Variants in TTC13 observed in about 807,000 individuals in gnomAD.
TTC13 encodes the protein tetratricopeptide repeat protein 13.
A neutral mutation model predicts 120.0 loss-of-function variants in TTC13; 62 were observed. That is an observed-to-expected ratio of 0.52 (90% CI 0.42 to 0.64). The LOEUF (loss-of-function observed/expected upper bound fraction) is 0.64, where lower values mean the gene tolerates loss of function less well. Among genes scored for constraint, TTC13 ranks in the 30% least tolerant of loss-of-function variants. TTC13 has a pLI of 0.00. For missense variants in TTC13, 824 were observed against 1,050.2 expected, an observed-to-expected ratio of 0.78 and a Z score of 2.98; for synonymous variants, 384 against 393.5, an observed-to-expected ratio of 0.98 and a Z score of 0.28.
chr1:230,931,156 C>G (rs186990661), intron 11 of TTC13, 142 bp downstream of exon 11: 26 of 697,870 alleles, frequency 3.7e-5, no homozygotes, highest in Admixed American at 2.3e-4. Flanking sequence ...TCGACACTAG[C>G]ACTGACAAGG....
At chr1:230,954,679 C>A (rs1261509763) in intron 3 of TTC13, among the ~76,000 whole-genome samples, 1 of 152,192 alleles carries the variant, frequency 6.6e-6, no homozygotes, top group Admixed American at 6.5e-5. Flanking sequence ...GGCCATCATT[C>A]ATTTTCAAAT....
At position 230,933,810 on chromosome 1, in the gene TTC13, C is replaced by A. The variant is rs1281009454; in HGVS notation, c.952G>T (p.Asp318Tyr). The A allele has an allele frequency of 6.2e-7, 1 of 1,609,242 alleles. No individual in the cohort carries two copies. Among genetic ancestry groups the A allele is most frequent in the Non-Finnish European group, 8.5e-7 (1 of 1,178,088 alleles). Residue 318 changes from aspartate to tyrosine, a missense_variant, in exon 9 of 23, where the codon GAT becomes TAT. Physicochemically the swap from Asp to Tyr is radical, Grantham distance 160. Around this residue, in one of 4 missense-constraint regions of TTC13, gnomAD observed 430 missense variants for 626.8 expected, o/e 0.69. Coordinates refer to ENST00000366661, the MANE Select transcript of TTC13 (RefSeq NM_024525.5). ...GCCTGCCCTAGACTTTTATATGCAT[C>A]AATAAAGTCAACTTTCTGCTTCAAA... ...EALKQKVDFI[D>Y]AYKSLGQAYR...
Position 230,972,397 on chromosome 1 carries a change from C to G in TTC13, c.271+6163G>C, listed in dbSNP as rs185332926. 1.3e-4 allele frequency among the ~76,000 whole-genome samples: 20 copies of G among 152,232 alleles called. No individual in the cohort carries two copies. The East Asian group carries it at 3.7e-3, about 28-fold the overall frequency. The stretch of plus-strand genomic sequence containing the variant: ...TTGTATTTTGATAAAAAAGTAAAAC[C>G]AAAACATAAGAAAAGGAATATGCTG... On this transcript the variant is annotated intron_variant, in intron 1 of 22. Transcript: ENST00000366661.
chr1:230,930,828 G>A (rs185695634), intron 11 of TTC13, among the ~76,000 whole-genome samples: 4 of 152,330 alleles, frequency 2.6e-5, no homozygotes, highest in African/African-American at 9.6e-5. Flanking sequence ...TGAGGCAGGA[G>A]AATGGGATGA....
chr1:230,951,773 T>A (rs1377789523), intron 4 of TTC13, among the ~76,000 whole-genome samples: 1 of 81,424 alleles, frequency 1.2e-5, no homozygotes, highest in Non-Finnish European at 2.8e-5. Flanking sequence ...AAAGAGTAAT[T>A]AGATTTAGAG....
At chr1:230,927,549 CTCTTA>C (rs1469024517) in intron 12 of TTC13, among the ~76,000 whole-genome samples, 2 of 152,012 alleles carry the variant, frequency 1.3e-5, no homozygotes, top group Non-Finnish European at 2.9e-5. Flanking sequence ...TATTGGTTGT[CTCTTA>C]TTTTTTAATT....
chr1:230,936,388 A>T, intron 8 of TTC13: 1 of 381,244 alleles, frequency 2.6e-6, no homozygotes. Flanking sequence ...GGCAAATGCC[A>T]TCCCACCATT....
chr1:230,947,959 C>A (rs1359291890), intron 4 of TTC13, among the ~76,000 whole-genome samples: 1 of 152,168 alleles, frequency 6.6e-6, no homozygotes. Context: ...TCCTCCCACC[C>A]ACTCCATCAG....
At chr1:230,933,079 T>C (rs1172502346) in intron 9 of TTC13, among the ~76,000 whole-genome samples, 1 of 152,118 alleles carries the variant, frequency 6.6e-6, no homozygotes, top group Non-Finnish European at 1.5e-5. Flanking sequence ...TTCAAGCGAT[T>C]CTCCAGCCTC....
At position 230,978,795 on chromosome 1, in the gene TTC13, G is replaced by A; in HGVS notation, c.36C>T (p.Phe12=). 1 of 1,498,554 alleles carries A rather than the reference G, an allele frequency of 6.7e-7. No homozygotes were observed. Among genetic ancestry groups the A allele is most frequent in the East Asian group, 2.7e-5 (1 of 37,156 alleles). The allele number at this position is 1,498,554 out of a possible 1,614,324, so 92.8% of individuals were successfully genotyped here. Residue 12 remains phenylalanine, a synonymous_variant, in exon 1 of 23, where the codon TTC becomes TTT. Coordinates refer to ENST00000366661, the MANE Select transcript of TTC13 (RefSeq NM_024525.5). The surrounding 1 kb of genome is among the most constrained non-coding windows in gnomAD (Gnocchi z 5.6). ...CCGCGGCGGCCACAGCGCCGCCCCA[G>A]AAGCAGCAGCAGCAGCAGCAGCCGG... The part of the protein sequence containing the change: ...APAGCCCCCC[F]WGGAVAAAGA...
chr1:230,915,579 T>C (rs1364929704), intron 18 of TTC13, among the ~76,000 whole-genome samples: 1 of 152,234 alleles, frequency 6.6e-6, no homozygotes, highest in Non-Finnish European at 1.5e-5. Context: ...TGGAATATTA[T>C]GCAGTTACTA....
chr1:230,926,535 A>C lies in TTC13; in HGVS notation c.1458-888T>G, dbSNP rs114772804. On this transcript the variant is annotated intron_variant, in intron 12 of 22. Coordinates refer to ENST00000366661, the MANE Select transcript of TTC13 (RefSeq NM_024525.5). ...CTGTTTGAACACACAGTTTAGGCAC[A>C]GGGAACCTCTCCTATTAGTTTTGGG... is the stretch of plus-strand genomic sequence containing the variant. Among the ~76,000 whole-genome samples the C allele has an allele frequency of 2.1e-3, 326 of 152,308 alleles. 2 individuals carry two copies. The highest frequency in any genetic ancestry group is 7.5e-3 in the African/African-American group (313 of 41,560).
intron 8 of TTC13, among the ~76,000 whole-genome samples, chr1:230,937,656 C>G (rs1674184676): frequency 6.6e-6 from 1 of 152,182 alleles, no homozygotes; most frequent in South Asian, 2.1e-4. Context: ...ATAGAATCTG[C>G]AAAATTCCTT....
rs1255806685 is a variant in TTC13, at chr1:230,906,815, G to A, written c.*90C>T. The A allele has an allele frequency of 2.0e-6, 1 of 503,280 alleles. No homozygotes were observed. Among genetic ancestry groups the A allele is most frequent in the African/African-American group, 2.0e-5 (1 of 49,916 alleles). 31.2% of individuals were successfully genotyped at this position (503,280 alleles called of 1,614,324 possible). ...AAAAATTGGTATCAAAAGTAATAGA[G>A]GACCTAATTTCTTTATAATTCCATG... On this transcript the variant is annotated 3_prime_UTR_variant, in exon 23 of 23. Coordinates refer to ENST00000366661, the MANE Select transcript of TTC13 (RefSeq NM_024525.5).
At chr1:230,952,343 T>A (rs1293685322) in intron 4 of TTC13, among the ~76,000 whole-genome samples, 1 of 152,036 alleles carries the variant, frequency 6.6e-6, no homozygotes, top group Non-Finnish European at 1.5e-5. Context: ...GAGAGAGAAA[T>A]CACTGAGGAA....
At chr1:230,943,128 A>G (rs1674662384) in intron 6 of TTC13, among the ~76,000 whole-genome samples, 1 of 152,252 alleles carries the variant, frequency 6.6e-6, no homozygotes, top group African/African-American at 2.4e-5. Context: ...AAGTCTTGCT[A>G]AAGTATGTCA....
intron 1 of TTC13, among the ~76,000 whole-genome samples, chr1:230,972,348 C>T (rs1204607519): frequency 4.6e-5 from 7 of 152,206 alleles, no homozygotes; most frequent in Admixed American, 4.6e-4. Flanking sequence ...ACACTTAGGA[C>T]ATATGCACTC....
chr1:230,909,071 C>A lies in TTC13; in HGVS notation c.2310-51G>T, dbSNP rs537204354. 2.2e-5 allele frequency: 32 copies of A among 1,481,238 alleles called. No homozygotes were observed. In the African/African-American group the frequency reaches 3.4e-4, roughly 16 times the overall value. 91.8% of individuals were successfully genotyped at this position (1,481,238 alleles called of 1,614,324 possible). A position where few individuals can be genotyped will look rare whatever the true frequency, so the allele number is the denominator to read the frequency against. On this transcript the variant is annotated intron_variant, in intron 20 of 22. Coordinates refer to ENST00000366661, the MANE Select transcript of TTC13 (RefSeq NM_024525.5). ...ATCCATCCTGGACGGTCTACAGTTA[C>A]CATGTTAAATTTCACCATGGACTTC...
At chr1:230,934,214 G>A (rs986894598) in intron 8 of TTC13, among the ~76,000 whole-genome samples, 2 of 151,802 alleles carry the variant, frequency 1.3e-5, no homozygotes, top group Non-Finnish European at 2.9e-5. Flanking sequence ...AAGGCCCTAG[G>A]ACCAAAAGCA....
Sources: allele counts gnomAD v4.1 joint callset (sites outside exome capture counted in the v4.1 genomes callset), GRCh38; gene constraint gnomAD v4.1.1; regional missense constraint gnomAD v4.1.1; non-coding constraint Gnocchi (gnomAD v3.1); transcripts MANE v1.5; gene names NCBI Gene and HGNC (gene_info 2026-07-23, HGNC 2026-07-21).